HAGH: variants seen among roughly 807,000 people sequenced by gnomAD.
HAGH encodes hydroxyacylglutathione hydrolase.
In HAGH, 29 loss-of-function variants were observed where a neutral mutation model predicts 35.1. The observed-to-expected ratio is 0.83, with a 90% CI of 0.62 to 1.13. The LOEUF (loss-of-function observed/expected upper bound fraction) is 1.13, where lower values mean the gene tolerates loss of function less well. Ranked by LOEUF, HAGH falls within the 50% of genes most tolerant of loss-of-function variation. HAGH has a pLI of 0.00. For synonymous variants in HAGH, 225 were observed against 176.1 expected (o/e 1.28, Z -2.20); for missense variants, 478 against 419.6 (o/e 1.14, Z -1.22).
intron 5 of HAGH, among the ~76,000 whole-genome samples, chr16:1,818,325 A>C (rs891623335): frequency 6.6e-6 from 1 of 152,108 alleles, no homozygotes; most frequent in Admixed American, 6.5e-5. Context: ...CTGCAGCCTG[A>C]AGGCACCTTA....
At position 1,826,147 on chromosome 16, in the gene HAGH, T is replaced by C. The variant is rs544980210; in HGVS notation, c.76+565A>G. Among the ~76,000 whole-genome samples the C allele has an allele frequency of 6.2e-3, 946 of 152,238 alleles. 13 individuals carry two copies. Among genetic ancestry groups the C allele is most frequent in the African/African-American group, 0.022 (926 of 41,574 alleles). On this transcript the variant is annotated intron_variant, in intron 1 of 8. Transcript: ENST00000397356. ...CTGGAAACCGCCAGGGACGCCTCCCTGTCTGCGCCTCCGCCCGCCCAGTGC... is the reference window on the plus strand; with the variant it reads ...CTGGAAACCGCCAGGGACGCCTCCCCGTCTGCGCCTCCGCCCGCCCAGTGC...
rs201608776 is a variant in HAGH, at chr16:1,809,279, G to C, written c.*4C>G. 2 of 1,592,000 alleles carry C rather than the reference G, an allele frequency of 1.3e-6. No homozygotes were observed. Among genetic ancestry groups the C allele is most frequent in the Non-Finnish European group, 8.6e-7 (1 of 1,162,820 alleles). On this transcript the variant is annotated 3_prime_UTR_variant, in exon 9 of 9. Coordinates refer to ENST00000397356, the MANE Select transcript of HAGH (RefSeq NM_005326.6). ...CCCAAATCCGCTGAAGGTGCAGGGC[G>C]GCCTCAGTCCCGGGGCATCTTGAAC...
At chr16:1,823,502 T>C (rs1227929009) in intron 1 of HAGH, among the ~76,000 whole-genome samples, 1 of 151,772 alleles carries the variant, frequency 6.6e-6, no homozygotes, top group Non-Finnish European at 1.5e-5. Context: ...CTCCTGACCT[T>C]GTGATCCGCC....
At chr16:1,815,651 C>CG (rs1201012225) in intron 7 of HAGH, among the ~76,000 whole-genome samples, 1 of 152,202 alleles carries the variant, frequency 6.6e-6, no homozygotes, top group Non-Finnish European at 1.5e-5. Flanking sequence ...GTAAGTTCCA[C>CG]ATCTGGACTG....
At chr16:1,813,774 G>A (rs1386694560) in intron 7 of HAGH, among the ~76,000 whole-genome samples, 1 of 152,214 alleles carries the variant, frequency 6.6e-6, no homozygotes, top group Admixed American at 6.5e-5. Context: ...GAACACTGGA[G>A]GATTCACACA....
At chr16:1,817,891 C>T (rs916969614) in intron 5 of HAGH, among the ~76,000 whole-genome samples, 1 of 152,236 alleles carries the variant, frequency 6.6e-6, no homozygotes, top group Non-Finnish European at 1.5e-5. Context: ...AGAAACAGGG[C>T]AGTCCCCTGA....
At chr16:1,817,140 C>G (rs760320269) in intron 6 of HAGH, 28 bp downstream of exon 6, 1 of 1,512,264 alleles carries the variant, frequency 6.6e-7, no homozygotes, top group South Asian at 1.1e-5. Flanking sequence ...GCCCCCCACA[C>G]CCCGGCCCGC....
At chr16:1,824,942 G>C (rs12929029) in intron 1 of HAGH, among the ~76,000 whole-genome samples, 1 of 152,138 alleles carries the variant, frequency 6.6e-6, no homozygotes, top group Non-Finnish European at 1.5e-5. Context: ...CAGGTGGGGT[G>C]CAGAAGGGTT....
At chr16:1,821,323 C>CGCT (rs1402371911) in intron 3 of HAGH, among the ~76,000 whole-genome samples, 1 of 152,202 alleles carries the variant, frequency 6.6e-6, no homozygotes, top group Admixed American at 6.5e-5. Flanking sequence ...AAGCCACCAG[C>CGCT]ACAGCGCTCC....
chr16:1,826,478 G>C lies in HAGH; in HGVS notation c.76+234C>G, dbSNP rs1026205960. The stretch of plus-strand genomic sequence containing the variant: ...CCGGCCCAGCCCGAGCGTGGAGGCC[G>C]CGGCGGACGCAGGCCTGGCCCTGCT... On this transcript the variant is annotated intron_variant, in intron 1 of 8. Transcript: ENST00000397356. The C allele has an allele frequency of 5.9e-6, 5 of 846,084 alleles. No homozygotes were observed. The African/African-American group carries it at 9.3e-5, about 16-fold the overall frequency. The allele number at this position is 846,084 out of a possible 1,614,324, so 52.4% of individuals were successfully genotyped here.
At chr16:1,818,375 CCG>C in intron 5 of HAGH, 1 of 153,012 alleles carries the variant, frequency 6.5e-6, no homozygotes, top group Non-Finnish European at 1.5e-5. Flanking sequence ...GCCATGCCCT[CCG>C]CCCTCCTCTG....
At chr16:1,815,033 A>T (rs1897831757) in intron 7 of HAGH, among the ~76,000 whole-genome samples, 1 of 152,130 alleles carries the variant, frequency 6.6e-6, no homozygotes, top group South Asian at 2.1e-4. Context: ...AACAGGCCAA[A>T]CCCAATATTT....
At position 1,826,731 on chromosome 16, in the gene HAGH, G is replaced by T; in HGVS notation, c.57C>A (p.Ala19=). The T allele has an allele frequency of 8.5e-7, 1 of 1,171,094 alleles. No homozygotes were observed. Among genetic ancestry groups the T allele is most frequent in the Non-Finnish European group, 1.1e-6 (1 of 949,478 alleles). The allele number at this position is 1,171,094 out of a possible 1,614,324, so 72.5% of individuals were successfully genotyped here. The change falls in exon 1 of 9, where the codon GCC becomes GCA. Residue 19 remains alanine (A), a synonymous_variant. Coordinates refer to ENST00000397356, the MANE Select transcript of HAGH (RefSeq NM_005326.6). ...GRRSLAALGA[A]CARRGLGPAL... ...ACCCACCGAGGCCTCGGCGGGCGCA[G>T]GCGGCTCCCAGCGCGGCGAGGCTGC...
In HAGH at chr16:1,809,133, TTATAAA is replaced by T; in HGVS notation, c.*144_*149del. 1 of 630,050 alleles carries T rather than the reference TTATAAA, an allele frequency of 1.6e-6. No individual in the cohort carries two copies. The allele number at this position is 630,050 out of a possible 1,614,324, so 39.0% of individuals were successfully genotyped here. On this transcript the variant is annotated 3_prime_UTR_variant, in exon 9 of 9. Coordinates refer to ENST00000397356, the MANE Select transcript of HAGH (RefSeq NM_005326.6). ...GGAATAAATACTTGTTAAACTTCTC[TTATAAA>T]TATGCATTAGAATGTCCGATAACAC...
rs573013703 is a variant in HAGH at position 1,819,433 on chromosome 16, G to A, written c.433-210C>T. ...TGCAGGGCCACCCTGGAACAAGAGC[G>A]TGTAAAAAACCAAGGGGCTTGTTTC... On this transcript the variant is annotated intron_variant, in intron 4 of 8. Coordinates refer to ENST00000397356, the MANE Select transcript of HAGH (RefSeq NM_005326.6). Among the ~76,000 whole-genome samples the A allele has an allele frequency of 2.6e-3, 399 of 152,324 alleles. 2 individuals carry two copies. Among genetic ancestry groups the A allele is most frequent in the African/African-American group, 8.9e-3 (371 of 41,582 alleles).
chr16:1,822,181 G>A, intron 3 of HAGH, 119 bp downstream of exon 3: 1 of 696,948 alleles, frequency 1.4e-6, no homozygotes, highest in Non-Finnish European at 2.6e-6. Flanking sequence ...AAGTCTGCTG[G>A]GGGCTTGTCC....
chr16:1,811,285 G>C (rs951519873), intron 7 of HAGH, among the ~76,000 whole-genome samples: 1 of 152,042 alleles, frequency 6.6e-6, no homozygotes, highest in African/African-American at 2.4e-5. Context: ...GTGGTGGCGG[G>C]TGCCTGTAAT....
At position 1,808,364 on chromosome 16, in the gene HAGH, T is replaced by A. The variant is rs11862061; in HGVS notation, c.*919A>T. 1 of 151,516 alleles carries A rather than the reference T, an allele frequency of 6.6e-6. No individual in the cohort carries two copies. The highest frequency in any genetic ancestry group is 2.4e-5 in the African/African-American group (1 of 41,252). 9.4% of individuals were successfully genotyped at this position (151,516 alleles called of 1,614,324 possible). Reference sequence around the variant, plus strand: ...CTCCCAGGCTGGAGTGCAGTGGCGCTATCTCGGCTCACTGCAAGCCCCGCC... The same window carrying A: ...CTCCCAGGCTGGAGTGCAGTGGCGCAATCTCGGCTCACTGCAAGCCCCGCC... On this transcript the variant is annotated 3_prime_UTR_variant, in exon 9 of 9. Transcript: ENST00000397356.
At position 1,809,820 on chromosome 16, in the gene HAGH, A is replaced by C. The variant is rs964907786; in HGVS notation, c.761T>G (p.Ile254Ser). Residue 254 changes from isoleucine (I) to serine (S), a missense_variant, in exon 8 of 9, where the codon ATC (isoleucine) becomes AGC (serine). By Grantham distance (142) the Ile-to-Ser change is moderately radical. Coordinates refer to ENST00000397356, the MANE Select transcript of HAGH (RefSeq NM_005326.6). ...KLAWAKEKYSIGEPTVPSTLA... is the reference protein window; with the variant it reads ...KLAWAKEKYSSGEPTVPSTLA... The stretch of plus-strand genomic sequence containing the variant: ...GGTGGATGGCACTGTGGGCTCCCCG[A>C]TGCTGTACTTCTCCTGCAAGAGAAA... 2.5e-6 allele frequency: 4 copies of C among 1,613,292 alleles called. No individual in the cohort carries two copies. In the Admixed American group the frequency reaches 6.7e-5, roughly 27 times the overall value.
Sources: allele counts gnomAD v4.1 joint callset (sites outside exome capture counted in the v4.1 genomes callset), GRCh38; gene constraint gnomAD v4.1.1; transcripts MANE v1.5; gene names NCBI Gene and HGNC (gene_info 2026-07-23, HGNC 2026-07-21).